Variants in ARMCX4 observed in about 807,000 individuals in gnomAD.
ARMCX4 encodes armadillo repeat-containing X-linked protein 4.
In ARMCX4, 3 loss-of-function variants were observed where a neutral mutation model predicts 34.7. The observed-to-expected ratio is 0.09, with a 90% confidence interval of 0.04 to 0.22. ARMCX4 has a LOEUF of 0.22. Among genes scored for constraint, ARMCX4 ranks in the 10% least tolerant of loss-of-function variants. ARMCX4 has a pLI of 1.00. For missense variants in ARMCX4, 1,448 were observed against 1,720.8 expected (o/e 0.84, Z 2.81); for synonymous variants, 513 against 632.8 (o/e 0.81, Z 2.84).
chrX:101,515,368 T>C (rs1396248950), intron 11 of ARMCX4, among the ~76,000 whole-genome samples: 1 of 57,660 alleles, frequency 1.7e-5, no homozygotes, highest in Non-Finnish European at 3.2e-5. Flanking sequence ...TCTTTCTTTC[T>C]TTCTTTCTTT....
intron 2 of ARMCX4, among the ~76,000 whole-genome samples, chrX:101,435,224 C>G (rs1930633452): frequency 8.9e-6 from 1 of 112,085 alleles, no homozygotes; most frequent in Non-Finnish European, 1.9e-5. Flanking sequence ...CTGACTTCCA[C>G]AGTGGTTGAA....
At chrX:101,430,289 A>G (rs1411212861) in intron 2 of ARMCX4, among the ~76,000 whole-genome samples, 1 of 111,888 alleles carries the variant, frequency 8.9e-6, no homozygotes, top group Non-Finnish European at 1.9e-5. Context: ...GTTGATCTCA[A>G]AGTTATCTTC....
chrX:101,512,469 G>C (rs1934600991), intron 11 of ARMCX4, among the ~76,000 whole-genome samples: 1 of 111,692 alleles, frequency 9.0e-6, no homozygotes, highest in South Asian at 3.8e-4. Context: ...CTGAGCTTCT[G>C]TACTGCTCTG....
chrX:101,452,840 G>A (rs1173943093), downstream of ARMCX4, among the ~76,000 whole-genome samples: 1 of 104,750 alleles, frequency 9.5e-6, no homozygotes, highest in Non-Finnish European at 2.0e-5. Flanking sequence ...ATAGATATGA[G>A]CCACCACGCC....
chrX:101,452,757 T>C (rs1237039421), downstream of ARMCX4, among the ~76,000 whole-genome samples: 1 of 109,947 alleles, frequency 9.1e-6, no homozygotes, highest in Non-Finnish European at 1.9e-5. Context: ...GGTTTCGCTA[T>C]GTTGGCCAGG....
intron 8 of ARMCX4, among the ~76,000 whole-genome samples, chrX:101,507,375 T>C (rs1556015391): frequency 3.6e-5 from 4 of 111,928 alleles, no homozygotes. Flanking sequence ...GATTAAAAGA[T>C]TAAGCACTCA....
intron 10 of ARMCX4, among the ~76,000 whole-genome samples, chrX:101,510,049 T>G (rs1258359053): frequency 1.8e-5 from 2 of 111,916 alleles, no homozygotes; most frequent in African/African-American, 3.2e-5. Flanking sequence ...TTCCACTCAG[T>G]TCCCCTTTTC....
intron 4 of ARMCX4, among the ~76,000 whole-genome samples, chrX:101,477,217 A>G (rs2147640292): frequency 9.2e-6 from 1 of 109,268 alleles, no homozygotes; most frequent in South Asian, 4.0e-4. Flanking sequence ...AGGTGGGTGG[A>G]TCACTTGAAG....
chrX:101,528,776 G>A, intron 11 of ARMCX4, among the ~76,000 whole-genome samples: 1 of 110,847 alleles, frequency 9.0e-6, no homozygotes, highest in East Asian at 2.8e-4. Context: ...CAACTTACAA[G>A]GGCTGTGAAG....
chrX:101,428,990 G>C (rs1381345153), intron 2 of ARMCX4, among the ~76,000 whole-genome samples: 1 of 105,737 alleles, frequency 9.5e-6, no homozygotes, highest in Non-Finnish European at 1.9e-5. Flanking sequence ...TCCTGTCTCA[G>C]CCTCCCGAGT....
rs1488475708 is a variant in ARMCX4, at chrX:101,495,771, C to T, written c.*309C>T. ...TATACATTTAAGACTATTTTTATGT[C>T]ATCAATAAAGTTGTGTGTTTTAAGC... On this transcript the variant is annotated 3_prime_UTR_variant, in exon 6 of 6. Coordinates refer to ENST00000423738, the MANE Select transcript of ARMCX4 (RefSeq NM_001256155.3). The T allele has an allele frequency of 1.1e-5, 2 of 176,823 alleles. No homozygotes were observed. Among genetic ancestry groups the T allele is most frequent in the Non-Finnish European group, 2.2e-5 (2 of 91,614 alleles). The allele number at this position is 176,823 out of a possible 1,213,427, so 14.6% of individuals were successfully genotyped here. A position where few individuals can be genotyped will look rare whatever the true frequency, so the allele number is the denominator to read the frequency against.
chrX:101,432,966 G>GTATATATACACACATGTATACA (rs1366026171), intron 2 of ARMCX4, among the ~76,000 whole-genome samples: 15 of 34,300 alleles, frequency 4.4e-4, no homozygotes, highest in South Asian at 9.0e-4. Context: ...ATACATATGT[G>GTATATATACACACATGTATACA]TATATGTGTA....
intron 4 of ARMCX4, among the ~76,000 whole-genome samples, chrX:101,466,442 A>G (rs1932793159): frequency 8.9e-6 from 1 of 112,191 alleles, no homozygotes; most frequent in African/African-American, 3.2e-5. Flanking sequence ...GCAAATATTT[A>G]TAGCAGCTTT....
intron 4 of ARMCX4, among the ~76,000 whole-genome samples, chrX:101,473,663 A>T (rs1933022041): frequency 9.5e-6 from 1 of 105,820 alleles, no homozygotes; most frequent in Non-Finnish European, 1.9e-5. Flanking sequence ...CTCACTCAAA[A>T]CCGCTCAACT....
intron 4 of ARMCX4, among the ~76,000 whole-genome samples, chrX:101,466,928 T>C (rs1415797650): frequency 3.6e-5 from 4 of 112,421 alleles, no homozygotes; most frequent in African/African-American, 1.3e-4. Flanking sequence ...TAATCTCTTT[T>C]GCTAATTTGC....
rs782072105 is a variant in ARMCX4 at position 101,490,462 on chromosome X, A to G, written c.1873A>G (p.Thr625Ala). The G allele has an allele frequency of 2.2e-5, 25 of 1,154,708 alleles. No homozygotes were observed. The highest frequency in any genetic ancestry group is 2.3e-4 in the Middle Eastern group (1 of 4,296). ...TAAGGTGGGGGCTGGAGAAGGTACA[A>G]CAGACTCTGCCCAGCCTGAGGCAGT... ...VLKVGAGEGTTDSAQPEAVVS... is the reference protein window; with the variant it reads ...VLKVGAGEGTADSAQPEAVVS... Residue 625 changes from threonine to alanine, a missense_variant, in exon 6 of 6, where the codon ACA becomes GCA. Coordinates refer to ENST00000423738, the MANE Select transcript of ARMCX4 (RefSeq NM_001256155.3).
chrX:101,425,461 T>C (rs1555990799), intron 2 of ARMCX4, among the ~76,000 whole-genome samples: 1 of 106,533 alleles, frequency 9.4e-6, no homozygotes, highest in East Asian at 3.0e-4. Flanking sequence ...TGGTGCGATC[T>C]CGGCTCACTG....
chrX:101,478,074 A>G (rs1933278087), intron 4 of ARMCX4, among the ~76,000 whole-genome samples: 1 of 112,039 alleles, frequency 8.9e-6, no homozygotes. Context: ...CAGGAGCTAG[A>G]CTCTGACTAT....
At chrX:101,441,953 T>C (rs1555996978) in intron 2 of ARMCX4, among the ~76,000 whole-genome samples, 1 of 111,873 alleles carries the variant, frequency 8.9e-6, no homozygotes, top group East Asian at 2.8e-4. Context: ...TAAGTTGTGT[T>C]TTAACAAGTG....
Sources: allele counts gnomAD v4.1 joint callset (sites outside exome capture counted in the v4.1 genomes callset), GRCh38; gene constraint gnomAD v4.1.1; transcripts MANE v1.5; gene names NCBI Gene and HGNC (gene_info 2026-07-23, HGNC 2026-07-21).